DNAH6: variants seen among roughly 807,000 people sequenced by gnomAD.
DNAH6 encodes dynein axonemal heavy chain 6, also known as axonemal beta dynein heavy chain 6.
Under a neutral mutation model 491.4 loss-of-function variants are expected in DNAH6, and 340 were observed. The ratio of observed to expected loss-of-function variants is 0.69; its 90% CI spans 0.63 to 0.76. The LOEUF is 0.76. Among genes scored for constraint, DNAH6 ranks in the 30% least tolerant of loss-of-function variants. DNAH6 has a pLI of 0.00. For missense variants in DNAH6, 4,443 were observed against 4,972.2 expected (o/e 0.89, Z 3.20); for synonymous variants, 1,603 against 1,686.1 (o/e 0.95, Z 1.21).
At chr2:84,783,768 A>G (rs1676925187) in intron 65 of DNAH6, among the ~76,000 whole-genome samples, 1 of 152,232 alleles carries the variant, frequency 6.6e-6, no homozygotes, top group Non-Finnish European at 1.5e-5. Flanking sequence ...CAGACAATGA[A>G]TAAACCACAT....
upstream of DNAH6, among the ~76,000 whole-genome samples, chr2:84,511,946 G>A (rs1321007727): frequency 6.6e-6 from 1 of 152,118 alleles, no homozygotes; most frequent in East Asian, 1.9e-4. Flanking sequence ...TATTTCATGT[G>A]GTCAGAAAAG....
the DNAH6 span, among the ~76,000 whole-genome samples, chr2:84,495,221 A>G: frequency 4.7e-3 from 721 of 152,316 alleles, 9 homozygotes; most frequent in African/African-American, 0.017. Flanking sequence ...CTGGAATGCA[A>G]TGGCAGTCTC....
chr2:84,658,053 A>G (rs1389605373), intron 35 of DNAH6, among the ~76,000 whole-genome samples: 2 of 152,022 alleles, frequency 1.3e-5, no homozygotes, highest in Non-Finnish European at 2.9e-5. Context: ...ACACCTCTGA[A>G]CCCATTGCCA....
chr2:84,477,047 G>C, the DNAH6 span, among the ~76,000 whole-genome samples: 1 of 152,206 alleles, frequency 6.6e-6, no homozygotes, highest in Admixed American at 6.5e-5. Context: ...TTGGGGGCAG[G>C]TGGGGGCAAC....
the DNAH6 span, chr2:84,460,074 C>T: frequency 1.3e-5 from 2 of 152,192 alleles, no homozygotes; most frequent in South Asian, 4.1e-4. Context: ...CTCAGAGAGT[C>T]CCAGAGTCAA....
chr2:84,479,709 G>A, the DNAH6 span, among the ~76,000 whole-genome samples: 1 of 152,230 alleles, frequency 6.6e-6, no homozygotes, highest in East Asian at 1.9e-4. Flanking sequence ...AGAGAAAGTA[G>A]GGCCCTGGGG....
the DNAH6 span, among the ~76,000 whole-genome samples, chr2:84,474,830 T>A: frequency 1.3e-5 from 2 of 152,194 alleles, no homozygotes; most frequent in South Asian, 4.1e-4. Flanking sequence ...AGACATCAGC[T>A]CCAGTATCTA....
At chr2:84,757,125 T>C (rs73943393) in intron 63 of DNAH6, among the ~76,000 whole-genome samples, 1,729 of 152,246 alleles carry the variant, frequency 0.011, 35 homozygotes, top group African/African-American at 0.04. Flanking sequence ...CCACAGCAAA[T>C]TCTTGCCATT....
chr2:84,553,353 T>G lies in DNAH6; in HGVS notation c.1602+319T>G, dbSNP rs896549750. Reference sequence around the variant, plus strand: ...CTTGTGAATACCTTTTCCTTTCTTTTCTTTTCTTTTCTTTTCTTTCTTTCT... The same window carrying G: ...CTTGTGAATACCTTTTCCTTTCTTTGCTTTTCTTTTCTTTTCTTTCTTTCT... On this transcript the variant is annotated intron_variant, in intron 10 of 76. Transcript: ENST00000389394. Among the ~76,000 whole-genome samples the G allele has an allele frequency of 8.7e-5, 3 of 34,326 alleles. No homozygotes were observed. In the Admixed American group the frequency reaches 9.5e-4, roughly 11 times the overall value. The allele number at this position is 34,326 out of a possible 152,430, so 22.5% of individuals were successfully genotyped here.
intron 48 of DNAH6, 131 bp from the exon 49 acceptor site, chr2:84,700,966 G>T (rs1167914933): frequency 5.8e-6 from 6 of 1,037,040 alleles, no homozygotes; most frequent in Non-Finnish European, 8.2e-6. Context: ...CCATAGACAT[G>T]AGTAGGAGTT....
intron 42 of DNAH6, among the ~76,000 whole-genome samples, chr2:84,684,268 T>C (rs1178759951): frequency 6.6e-6 from 1 of 152,268 alleles, no homozygotes; most frequent in Non-Finnish European, 1.5e-5. Context: ...TCACTGATCC[T>C]CAGACATTGT....
chr2:84,661,356 A>G (rs953614613), intron 37 of DNAH6, among the ~76,000 whole-genome samples: 3 of 152,184 alleles, frequency 2.0e-5, no homozygotes, highest in African/African-American at 7.2e-5. Flanking sequence ...CAAGAAAAAG[A>G]AATAAGACAT....
At chr2:84,590,887 T>C (rs764244155) in intron 16 of DNAH6, among the ~76,000 whole-genome samples, 3 of 152,152 alleles carry the variant, frequency 2.0e-5, no homozygotes, top group African/African-American at 7.2e-5. Context: ...GGCTGAGAGA[T>C]TGGTTTCTCT....
rs184388917 is a variant in DNAH6 at position 84,576,258 on chromosome 2, T to C, written c.1925-999T>C. ...TAATTGCTGTTTCTGTCTTATATTATGAGGAAGCTGAAGCTCGGAAAGACT... is the reference window on the plus strand; with the variant it reads ...TAATTGCTGTTTCTGTCTTATATTACGAGGAAGCTGAAGCTCGGAAAGACT... On this transcript the variant is annotated intron_variant, in intron 12 of 76. Transcript: ENST00000389394. 5.6e-4 allele frequency among the ~76,000 whole-genome samples: 86 copies of C among 152,294 alleles called. 1 individual carries two copies. Among genetic ancestry groups the C allele is most frequent in the African/African-American group, 1.8e-3 (76 of 41,570 alleles).
intron 2 of DNAH6, among the ~76,000 whole-genome samples, chr2:84,518,913 G>A (rs1426356256): frequency 6.6e-6 from 1 of 152,108 alleles, no homozygotes; most frequent in African/African-American, 2.4e-5. Flanking sequence ...CAAACGCATG[G>A]GCTCATGCCT....
chr2:84,718,116 A>G, intron 58 of DNAH6, 88 bp from the exon 59 acceptor site: 2 of 1,126,222 alleles, frequency 1.8e-6, no homozygotes, highest in Non-Finnish European at 2.5e-6. Context: ...ATTCAGAATA[A>G]GAACGATTAC....
intron 61 of DNAH6, among the ~76,000 whole-genome samples, chr2:84,731,713 A>C (rs1340984423): frequency 2.0e-5 from 3 of 152,220 alleles, no homozygotes; most frequent in Non-Finnish European, 2.9e-5. Flanking sequence ...AGTGAAAAGC[A>C]ATTGAAAGGA....
chr2:84,623,078 A>C (rs903172607), intron 26 of DNAH6, among the ~76,000 whole-genome samples: 2 of 152,188 alleles, frequency 1.3e-5, no homozygotes, highest in Non-Finnish European at 2.9e-5. Context: ...GTCTTACACC[A>C]TACACAAAAA....
chr2:84,811,582 C>T (rs918233294), intron 72 of DNAH6, among the ~76,000 whole-genome samples: 5 of 152,116 alleles, frequency 3.3e-5, no homozygotes, highest in African/African-American at 1.2e-4. Flanking sequence ...CCTTTCCAGC[C>T]GGGCACGGTG....
Sources: allele counts gnomAD v4.1 joint callset (sites outside exome capture counted in the v4.1 genomes callset), GRCh38; gene constraint gnomAD v4.1.1; transcripts MANE v1.5; gene names NCBI Gene and HGNC (gene_info 2026-07-23, HGNC 2026-07-21).